The following AK5 variants were observed in gnomAD, a reference collection of about 807,000 sequenced individuals.
The protein encoded by AK5 is adenylate kinase 5, also known as adenylate kinase isoenzyme 5.
Under a neutral mutation model 69.5 loss-of-function variants are expected in AK5, and 27 were observed. The ratio of observed to expected loss-of-function variants is 0.39; its 90% CI spans 0.29 to 0.54. AK5 has a LOEUF of 0.54. AK5 is among the 20% of genes least tolerant of loss of function. The pLI is 0.71. For synonymous variants in AK5, 260 were observed against 244.4 expected (o/e 1.06, Z -0.60); for missense variants, 531 against 700.4 (o/e 0.76, Z 2.73).
Position 77,470,856 on chromosome 1 carries a change from TATATATATA to T in AK5, c.1060-12460_1060-12452del, listed in dbSNP as rs1654443774. Among the ~76,000 whole-genome samples, 17 of 20,404 alleles carry T rather than the reference TATATATATA, an allele frequency of 8.3e-4. 1 individual carries two copies. The highest frequency in any genetic ancestry group is 5.7e-3 in the South Asian group (2 of 352). 13.4% of individuals were successfully genotyped at this position (20,404 alleles called of 152,430 possible). A position where few individuals can be genotyped will look rare whatever the true frequency, so the allele number is the denominator to read the frequency against. ...ATATATATATATATATATATATATA[TATATATATA>T]TATATATATATTTTTTTTTTTTTTT... On this transcript the variant is annotated intron_variant, in intron 8 of 13. Transcript: ENST00000354567.
chr1:77,282,561 AAGGCTGGGCTT>A, intron 1 of AK5, 188 bp downstream of exon 1: 1 of 1,370,932 alleles, frequency 7.3e-7, no homozygotes, highest in South Asian at 1.8e-5. Context: ...TCCTTGTCAG[AAGGCTGGGCTT>A]AGAAGCCTGC....
At chr1:77,428,118 T>A (rs1346359888) in intron 8 of AK5, among the ~76,000 whole-genome samples, 5 of 152,182 alleles carry the variant, frequency 3.3e-5, no homozygotes, top group Non-Finnish European at 7.3e-5. Context: ...TTTTTAGATA[T>A]AGCACCAAAG....
chr1:77,535,247 AT>A (rs1658894985), intron 12 of AK5, among the ~76,000 whole-genome samples: 1 of 152,206 alleles, frequency 6.6e-6, no homozygotes, highest in South Asian at 2.1e-4. Flanking sequence ...TACAGGTCAG[AT>A]TCAAGGTGTT....
intron 5 of AK5, among the ~76,000 whole-genome samples, chr1:77,311,124 G>T (rs1375105406): frequency 6.6e-6 from 1 of 152,012 alleles, no homozygotes; most frequent in Non-Finnish European, 1.5e-5. Context: ...CATTCATGTT[G>T]TAAACTTCCT....
chr1:77,330,273 T>G (rs1661020299), intron 5 of AK5, among the ~76,000 whole-genome samples: 1 of 152,240 alleles, frequency 6.6e-6, no homozygotes, highest in African/African-American at 2.4e-5. Context: ...TCTTTTATGG[T>G]TAGAGTTTTC....
chr1:77,377,707 A>G (rs1320052124), intron 6 of AK5, among the ~76,000 whole-genome samples: 2 of 152,198 alleles, frequency 1.3e-5, no homozygotes, highest in Non-Finnish European at 2.9e-5. Flanking sequence ...CTATCATGTT[A>G]TCTTCTGACT....
chr1:77,417,427 T>G (rs1650504982), intron 7 of AK5, among the ~76,000 whole-genome samples: 1 of 152,188 alleles, frequency 6.6e-6, no homozygotes, highest in Non-Finnish European at 1.5e-5. Flanking sequence ...TTCCTCACAG[T>G]ATTTTCTTCT....
chr1:77,464,388 C>T (rs995966133), intron 8 of AK5, among the ~76,000 whole-genome samples: 2 of 152,196 alleles, frequency 1.3e-5, no homozygotes, highest in Non-Finnish European at 2.9e-5. Context: ...GACCTCCTCC[C>T]ACCTGGCTGT....
At chr1:77,487,665 C>A (rs1356540523) in intron 10 of AK5, among the ~76,000 whole-genome samples, 1 of 152,154 alleles carries the variant, frequency 6.6e-6, no homozygotes, top group Admixed American at 6.5e-5. Flanking sequence ...GAAACTGAGG[C>A]CCAGAGAAGT....
At chr1:77,319,239 C>T (rs1273254096) in intron 5 of AK5, among the ~76,000 whole-genome samples, 1 of 152,150 alleles carries the variant, frequency 6.6e-6, no homozygotes, top group African/African-American at 2.4e-5. Flanking sequence ...CTTTCCTTTC[C>T]TCCCTTCCTC....
At chr1:77,434,113 TAAATAAATAA>T (rs948288838) in intron 8 of AK5, among the ~76,000 whole-genome samples, 10 of 94,516 alleles carry the variant, frequency 1.1e-4, no homozygotes, top group African/African-American at 3.8e-4. Flanking sequence ...AAAGCATAAA[TAAATAAATAA>T]ATAAATAAAT....
At chr1:77,301,701 A>C (rs978805498) in intron 5 of AK5, among the ~76,000 whole-genome samples, 1 of 152,196 alleles carries the variant, frequency 6.6e-6, no homozygotes, top group African/African-American at 2.4e-5. Context: ...CTGGAAACTG[A>C]ACTTCATGTT....
rs189213068 is a variant in AK5, at chr1:77,313,524, G to A, written c.699+15577G>A. Among the ~76,000 whole-genome samples, 127 of 152,230 alleles carry A rather than the reference G, an allele frequency of 8.3e-4. 1 individual carries two copies. The highest frequency in any genetic ancestry group is 3.0e-3 in the African/African-American group (123 of 41,500). On this transcript the variant is annotated intron_variant, in intron 5 of 13. Coordinates refer to ENST00000354567, the MANE Select transcript of AK5 (RefSeq NM_174858.3). The stretch of plus-strand genomic sequence containing the variant: ...GAGTCTACATTCCTACATGTGTGTA[G>A]TGTCTGTTGTTAGGCAAGGTAGGTG...
intron 10 of AK5, among the ~76,000 whole-genome samples, chr1:77,494,939 G>A (rs982100540): frequency 6.6e-6 from 1 of 151,808 alleles, no homozygotes; most frequent in Non-Finnish European, 1.5e-5. Context: ...CCGTCACCAC[G>A]CTCGGCTAAT....
chr1:77,494,047 T>C (rs1478079047), intron 10 of AK5, among the ~76,000 whole-genome samples: 1 of 152,214 alleles, frequency 6.6e-6, no homozygotes, highest in African/African-American at 2.4e-5. Context: ...CTTGCAACAC[T>C]GCATGACATG....
At chr1:77,512,734 A>G (rs967863723) in intron 10 of AK5, among the ~76,000 whole-genome samples, 7 of 152,156 alleles carry the variant, frequency 4.6e-5, no homozygotes, top group African/African-American at 1.7e-4. Context: ...TTGCGGCACT[A>G]TTCACAATAG....
At chr1:77,432,237 T>G (rs924962807) in intron 8 of AK5, among the ~76,000 whole-genome samples, 2 of 152,174 alleles carry the variant, frequency 1.3e-5, no homozygotes, top group Non-Finnish European at 2.9e-5. Context: ...TGTCCCTTGG[T>G]GCCAGGATGT....
chr1:77,451,042 G>A (rs1653112961), intron 8 of AK5, among the ~76,000 whole-genome samples: 1 of 151,974 alleles, frequency 6.6e-6, no homozygotes. Context: ...CAGGCATGAT[G>A]GTATGTGCCT....
chr1:77,480,968 G>A (rs1320706735), intron 8 of AK5, among the ~76,000 whole-genome samples: 1 of 152,174 alleles, frequency 6.6e-6, no homozygotes, highest in Non-Finnish European at 1.5e-5. Flanking sequence ...CAAAGATGTG[G>A]TCCTGGCTCC....
Sources: allele counts gnomAD v4.1 joint callset (sites outside exome capture counted in the v4.1 genomes callset), GRCh38; gene constraint gnomAD v4.1.1; transcripts MANE v1.5; gene names NCBI Gene and HGNC (gene_info 2026-07-23, HGNC 2026-07-21).